The following VPS50 variants were observed in gnomAD, a reference collection of about 807,000 sequenced individuals.
The protein encoded by VPS50 is syndetin.
In VPS50, 70 loss-of-function variants were observed where a neutral mutation model predicts 139.7. The ratio of observed to expected loss-of-function variants is 0.50; its 90% CI spans 0.41 to 0.61. The LOEUF (loss-of-function observed/expected upper bound fraction) is 0.61. Among genes scored for constraint, VPS50 ranks in the 20% least tolerant of loss-of-function variants. VPS50 has a pLI of 0.00. For synonymous variants in VPS50, 365 were observed against 376.7 expected, an observed-to-expected ratio of 0.97 and a Z score of 0.36; for missense variants, 921 against 1,133.7, an observed-to-expected ratio of 0.81 and a Z score of 2.69.
intron 12 of VPS50, among the ~76,000 whole-genome samples, chr7:93,287,012 A>AAAG (rs1796508856): frequency 6.7e-6 from 1 of 150,216 alleles, no homozygotes; most frequent in East Asian, 1.9e-4. Flanking sequence ...TTTTTTTTAA[A>AAAG]AAAAAAACTA....
intron 1 of VPS50, among the ~76,000 whole-genome samples, chr7:93,236,862 G>A (rs1331111081): frequency 6.8e-6 from 1 of 146,130 alleles, no homozygotes; most frequent in African/African-American, 2.5e-5. Context: ...TAAGAATTAT[G>A]GTTAATCATC....
chr7:93,330,311 A>C (rs1034264336), intron 21 of VPS50, among the ~76,000 whole-genome samples: 2 of 152,182 alleles, frequency 1.3e-5, no homozygotes, highest in Admixed American at 1.3e-4. Flanking sequence ...GGAAGAACCA[A>C]GGAGGGAAAA....
At chr7:93,347,999 A>T (rs1016246063) in intron 23 of VPS50, among the ~76,000 whole-genome samples, 3 of 152,120 alleles carry the variant, frequency 2.0e-5, no homozygotes, top group Non-Finnish European at 2.9e-5. Flanking sequence ...AAAAAGAAAA[A>T]AAAAAGAATG....
intron 8 of VPS50, among the ~76,000 whole-genome samples, chr7:93,258,867 C>G (rs1795576992): frequency 6.6e-6 from 1 of 152,000 alleles, no homozygotes; most frequent in Non-Finnish European, 1.5e-5. Flanking sequence ...CCTCATAATA[C>G]TTGAGCTCCT....
chr7:93,248,323 T>G (rs1306169757), intron 2 of VPS50, among the ~76,000 whole-genome samples: 1 of 152,010 alleles, frequency 6.6e-6, no homozygotes, highest in African/African-American at 2.4e-5. Context: ...ATGTAAAATT[T>G]GGGCTCACAC....
At chr7:93,345,003 A>G (rs1201683975) in intron 23 of VPS50, among the ~76,000 whole-genome samples, 1 of 152,196 alleles carries the variant, frequency 6.6e-6, no homozygotes, top group Non-Finnish European at 1.5e-5. Context: ...GGAAATAGAG[A>G]CACAAAAAAC....
chr7:93,258,484 G>A (rs1795560681), intron 8 of VPS50, 92 bp downstream of exon 8: 2 of 916,602 alleles, frequency 2.2e-6, no homozygotes, highest in Admixed American at 4.3e-5. Context: ...TCTCAAATGG[G>A]TTTATGATAT....
chr7:93,351,081 G>T (rs1209038737), intron 25 of VPS50, among the ~76,000 whole-genome samples: 1 of 152,126 alleles, frequency 6.6e-6, no homozygotes, highest in African/African-American at 2.4e-5. Context: ...GCAATTTATG[G>T]TCCCCTTTGG....
chr7:93,310,977 A>AT (rs1205592493), intron 19 of VPS50, among the ~76,000 whole-genome samples, 189 bp from the exon 20 acceptor site: 4 of 151,890 alleles, frequency 2.6e-5, no homozygotes, highest in African/African-American at 9.7e-5. Flanking sequence ...ATGGTACTTT[A>AT]TTTTTTTGCT....
intron 18 of VPS50, among the ~76,000 whole-genome samples, chr7:93,306,367 C>A (rs576849018): frequency 6.6e-6 from 1 of 151,772 alleles, no homozygotes; most frequent in African/African-American, 2.4e-5. Context: ...CCCTTTTTCT[C>A]GACACCCTTT....
At chr7:93,293,196 T>C (rs1796699981) in intron 13 of VPS50, among the ~76,000 whole-genome samples, 2 of 152,132 alleles carry the variant, frequency 1.3e-5, no homozygotes, top group Non-Finnish European at 2.9e-5. Context: ...TGAAATGAAA[T>C]GGATCAAGAG....
At chr7:93,350,280 C>T (rs1212649082) in intron 25 of VPS50, among the ~76,000 whole-genome samples, 3 of 152,142 alleles carry the variant, frequency 2.0e-5, no homozygotes, top group Admixed American at 6.5e-5. Context: ...TCGTGGCTGA[C>T]TTTCATATTA....
At chr7:93,317,069 T>C (rs566412258) in intron 20 of VPS50, among the ~76,000 whole-genome samples, 27 of 152,238 alleles carry the variant, frequency 1.8e-4, no homozygotes, top group Admixed American at 1.2e-3. Context: ...AAGAAGGTCA[T>C]GAATCAACAG....
intron 4 of VPS50, 48 bp from the exon 5 acceptor site, chr7:93,256,461 A>G (rs761429352): frequency 4.6e-6 from 4 of 860,654 alleles, no homozygotes; most frequent in Admixed American, 2.9e-5. Context: ...CATAGAAAGC[A>G]TGAAGTTTGT....
At chr7:93,300,837 A>G (rs1309140969) in intron 16 of VPS50, among the ~76,000 whole-genome samples, 1 of 151,864 alleles carries the variant, frequency 6.6e-6, no homozygotes, top group African/African-American at 2.4e-5. Flanking sequence ...ATGATTGATC[A>G]AAAAAATGCA....
At chr7:93,313,050 C>T (rs1173341126) in intron 20 of VPS50, among the ~76,000 whole-genome samples, 1 of 152,206 alleles carries the variant, frequency 6.6e-6, no homozygotes, top group Non-Finnish European at 1.5e-5. Flanking sequence ...TTATATGCAG[C>T]TCTGCTCCGT....
chr7:93,323,476 T>C, intron 20 of VPS50, 135 bp from the exon 21 acceptor site: 1 of 269,184 alleles, frequency 3.7e-6, no homozygotes, highest in East Asian at 7.3e-5. Flanking sequence ...ACTTGAGACA[T>C]GGCTACTGTG....
chr7:93,296,910 T>C, intron 15 of VPS50, 74 bp downstream of exon 15: 2 of 1,494,852 alleles, frequency 1.3e-6, no homozygotes, highest in South Asian at 1.4e-5. Flanking sequence ...TAGTGAGTTA[T>C]CATCTATAAC....
intron 12 of VPS50, among the ~76,000 whole-genome samples, chr7:93,283,672 C>T (rs571400759): frequency 3.3e-5 from 5 of 152,206 alleles, no homozygotes; most frequent in Admixed American, 6.5e-5. Context: ...AAGAAAAGGT[C>T]AAATGGCATA....
Sources: gnomAD v4.1 joint callset for allele counts (sites outside exome capture counted in the v4.1 genomes callset) on GRCh38, gnomAD v4.1.1 for gene constraint, MANE v1.5 for transcripts, NCBI Gene and HGNC (gene_info 2026-07-23, HGNC 2026-07-21) for gene names.